DSCAM: variants seen among roughly 807,000 people sequenced by gnomAD.
DSCAM encodes DS cell adhesion molecule, also known as cell adhesion molecule DSCAM.
DSCAM carries 47 observed loss-of-function variants against 217.7 expected under a neutral mutation model. That is an observed-to-expected ratio of 0.22 (90% CI 0.17 to 0.28). The LOEUF (loss-of-function observed/expected upper bound fraction) is 0.28, where lower values mean the gene tolerates loss of function less well. Among genes scored for constraint, DSCAM ranks in the 10% least tolerant of loss-of-function variants. The pLI, the probability that DSCAM is intolerant of heterozygous loss-of-function variation, is 1.00. For missense variants in DSCAM, 2,080 were observed against 2,618.3 expected (o/e 0.79, Z 4.49); for synonymous variants, 1,056 against 1,015.3 (o/e 1.04, Z -0.76).
chr21:40,838,428 G>C (rs2092074022), intron 1 of DSCAM, among the ~76,000 whole-genome samples: 1 of 152,136 alleles, frequency 6.6e-6, no homozygotes, highest in Non-Finnish European at 1.5e-5. Context: ...TGATCATTGT[G>C]GTGACTCCAT....
At chr21:40,721,938 ATATT>A (rs2090905113) in intron 1 of DSCAM, among the ~76,000 whole-genome samples, 1 of 152,158 alleles carries the variant, frequency 6.6e-6, no homozygotes, top group South Asian at 2.1e-4. Context: ...AATACATGTT[ATATT>A]TAGAGAAACA....
chr21:40,730,876 A>G (rs1250353876), intron 1 of DSCAM, among the ~76,000 whole-genome samples: 6 of 152,254 alleles, frequency 3.9e-5, no homozygotes, highest in Admixed American at 3.9e-4. Context: ...GTTACAAAAT[A>G]TTATGGAATG....
At chr21:40,067,754 C>G (rs28730910) in intron 27 of DSCAM, among the ~76,000 whole-genome samples, 2 of 81,928 alleles carry the variant, frequency 2.4e-5, no homozygotes, top group East Asian at 5.6e-4. Context: ...CCCTCCCTCC[C>G]TCCCTCCCTC....
At chr21:40,380,119 CT>C in intron 3 of DSCAM, among the ~76,000 whole-genome samples, 1 of 152,276 alleles carries the variant, frequency 6.6e-6, no homozygotes, top group South Asian at 2.1e-4. Flanking sequence ...TGAAATTCTC[CT>C]GCAGTTAAAT....
intron 20 of DSCAM, among the ~76,000 whole-genome samples, chr21:40,108,130 C>T (rs2089845267): frequency 6.6e-6 from 1 of 152,146 alleles, no homozygotes; most frequent in Non-Finnish European, 1.5e-5. Flanking sequence ...CTCACCACTC[C>T]TACTCAACAC....
intron 3 of DSCAM, among the ~76,000 whole-genome samples, chr21:40,470,553 T>C (rs73361160): frequency 0.022 from 3,347 of 152,238 alleles, 125 homozygotes; most frequent in African/African-American, 0.075. Flanking sequence ...CTGAAGTGTT[T>C]TGTTTATTAG....
chr21:40,281,653 T>C (rs1323739862), intron 10 of DSCAM, among the ~76,000 whole-genome samples: 2 of 152,244 alleles, frequency 1.3e-5, no homozygotes, highest in East Asian at 1.9e-4. Flanking sequence ...ATGTATGCTA[T>C]TAAACTTTTA....
At chr21:40,343,959 AG>A (rs1601569443) in intron 6 of DSCAM, among the ~76,000 whole-genome samples, 2 of 150,596 alleles carry the variant, frequency 1.3e-5, no homozygotes. Flanking sequence ...GCTGGAGTGC[AG>A]TAGCAGGATC....
chr21:40,662,212 TC>T (rs2090146228), intron 3 of DSCAM, among the ~76,000 whole-genome samples: 1 of 152,136 alleles, frequency 6.6e-6, no homozygotes, highest in East Asian at 1.9e-4. Context: ...GTAAGAAATA[TC>T]TAAAGAAAGT....
At chr21:40,243,154 T>G (rs748246719) in intron 11 of DSCAM, among the ~76,000 whole-genome samples, 1 of 152,206 alleles carries the variant, frequency 6.6e-6, no homozygotes, top group African/African-American at 2.4e-5. Context: ...GTATTTAGAC[T>G]GACTTTGGAA....
At chr21:40,803,238 G>A (rs1370750949) in intron 1 of DSCAM, among the ~76,000 whole-genome samples, 1 of 152,198 alleles carries the variant, frequency 6.6e-6, no homozygotes, top group Non-Finnish European at 1.5e-5. Context: ...AGATACAGAT[G>A]TGATCACTGG....
At chr21:40,316,610 T>C (rs546875301) in intron 8 of DSCAM, among the ~76,000 whole-genome samples, 19 of 152,298 alleles carry the variant, frequency 1.2e-4, no homozygotes, top group African/African-American at 4.6e-4. Context: ...AAAGCTTGTA[T>C]ATCATAGGAG....
At chr21:40,327,209 A>T (rs1354402987) in intron 8 of DSCAM, among the ~76,000 whole-genome samples, 1 of 152,090 alleles carries the variant, frequency 6.6e-6, no homozygotes, top group African/African-American at 2.4e-5. Flanking sequence ...GTATTTGCAG[A>T]TTAATTATGA....
chr21:40,485,998 T>G (rs2076024995), intron 3 of DSCAM, among the ~76,000 whole-genome samples: 3 of 152,214 alleles, frequency 2.0e-5, no homozygotes, highest in African/African-American at 7.2e-5. Context: ...TAAAAGTTTT[T>G]AAGGCAGCTT....
At chr21:40,640,157 A>T (rs2089860025) in intron 3 of DSCAM, among the ~76,000 whole-genome samples, 1 of 151,188 alleles carries the variant, frequency 6.6e-6, no homozygotes, top group Non-Finnish European at 1.5e-5. Flanking sequence ...AAATCAAGAG[A>T]AGTGGCAGAG....
chr21:40,110,007 C>G (rs1411218704), intron 20 of DSCAM, among the ~76,000 whole-genome samples: 1 of 152,186 alleles, frequency 6.6e-6, no homozygotes, highest in Admixed American at 6.5e-5. Context: ...CATAGCCAAA[C>G]AAAAGGCAGC....
intron 17 of DSCAM, among the ~76,000 whole-genome samples, chr21:40,143,908 A>T (rs1485507012): frequency 6.6e-6 from 1 of 152,176 alleles, no homozygotes; most frequent in African/African-American, 2.4e-5. Context: ...CTTCCTGCCT[A>T]AAACACTGTG....
intron 3 of DSCAM, among the ~76,000 whole-genome samples, chr21:40,525,061 T>C (rs1002380637): frequency 1.5e-5 from 2 of 133,258 alleles, no homozygotes; most frequent in African/African-American, 5.9e-5. Context: ...GAAATTCAAA[T>C]ACATTATTTT....
chr21:40,204,161 G>T (rs1295367446), intron 11 of DSCAM, among the ~76,000 whole-genome samples: 3 of 152,216 alleles, frequency 2.0e-5, no homozygotes, highest in Non-Finnish European at 4.4e-5. Flanking sequence ...CAAAGAGATT[G>T]CTGCTACAGA....
Sources: allele counts gnomAD v4.1 joint callset (sites outside exome capture counted in the v4.1 genomes callset), GRCh38; gene constraint gnomAD v4.1.1; transcripts MANE v1.5; gene names NCBI Gene and HGNC (gene_info 2026-07-23, HGNC 2026-07-21).